ATAD2: variants seen among roughly 807,000 people sequenced by gnomAD.
The protein encoded by ATAD2 is ATPase family AAA domain containing 2, also known as ATPase family AAA domain-containing protein 2.
In ATAD2, 62 loss-of-function variants were observed where a neutral mutation model predicts 168.9. The observed-to-expected ratio is 0.37, with a 90% CI of 0.30 to 0.45. The LOEUF (loss-of-function observed/expected upper bound fraction) is 0.45, where lower values mean the gene tolerates loss of function less well. Ranked by LOEUF, ATAD2 falls within the 20% of genes least tolerant of loss-of-function variation. ATAD2 has a pLI of 1.00. For synonymous variants in ATAD2, 613 were observed against 571.6 expected, an observed-to-expected ratio of 1.07 and a Z score of -1.03; for missense variants, 1,419 against 1,667.8, an observed-to-expected ratio of 0.85 and a Z score of 2.60.
chr8:123,393,075 T>G (rs1812661709), intron 1 of ATAD2, among the ~76,000 whole-genome samples: 1 of 151,310 alleles, frequency 6.6e-6, no homozygotes, highest in Non-Finnish European at 1.5e-5. Flanking sequence ...TCCCAGCTAC[T>G]CCGGGAGGCT....
In ATAD2 at chr8:123,402,209, G is replaced by T; in HGVS notation, c.-2281-1034C>A. 1.6e-6 allele frequency: 1 copy of T among 620,928 alleles called. No homozygotes were observed. The highest frequency in any genetic ancestry group is 1.8e-5 in the South Asian group (1 of 56,076). 38.5% of individuals were successfully genotyped at this position (620,928 alleles called of 1,614,324 possible). On this transcript the variant is annotated intron_variant, in intron 1 of 28. Coordinates refer to the ATAD2 transcript ENST00000521903. This position sits in a 1 kb window ranked among gnomAD's most constrained non-coding sequence, Gnocchi z 4.8. Reference sequence around the variant, plus strand: ...GAGTGGTCCACAGATTTGCACTACGGGTTCCCCAGCTCCTTTCCAGGGAGA... The same window carrying T: ...GAGTGGTCCACAGATTTGCACTACGTGTTCCCCAGCTCCTTTCCAGGGAGA...
rs374075833 is a variant in ATAD2 at position 123,367,183 on chromosome 8, G to A, written c.1049+1875C>T. ...CAATCCCACCACTTGGGAGGCCAAG[G>A]TGGGTGGATCACCTGAGGTCAGGAA... On this transcript the variant is annotated intron_variant, in intron 8 of 27. Transcript: ENST00000287394. Among the ~76,000 whole-genome samples the A allele has an allele frequency of 2.6e-4, 39 of 152,252 alleles. No homozygotes were observed. The East Asian group carries it at 5.6e-3, about 22-fold the overall frequency.
At chr8:123,386,477 A>G (rs932755523) in intron 1 of ATAD2, among the ~76,000 whole-genome samples, 3 of 152,190 alleles carry the variant, frequency 2.0e-5, no homozygotes, top group Non-Finnish European at 4.4e-5. Context: ...TCAGAGACAG[A>G]AAGTAGAACA....
chr8:123,354,744 A>T (rs1828576454), intron 13 of ATAD2, among the ~76,000 whole-genome samples: 1 of 149,352 alleles, frequency 6.7e-6, no homozygotes, highest in Non-Finnish European at 1.5e-5. Context: ...AGGCTGAGGC[A>T]GAAGAATCGC....
chr8:123,368,498 AC>A (rs912118508), intron 8 of ATAD2, among the ~76,000 whole-genome samples: 8 of 152,200 alleles, frequency 5.3e-5, no homozygotes, highest in Non-Finnish European at 7.4e-5. Flanking sequence ...CCAATGAACA[AC>A]TGTTGGGATG....
chr8:123,349,224 G>T, intron 14 of ATAD2, 61 bp downstream of exon 14: 1 of 1,530,420 alleles, frequency 6.5e-7, no homozygotes, highest in Non-Finnish European at 8.9e-7. Flanking sequence ...ACTATACCAA[G>T]ACTTATTATT....
At chr8:123,389,986 T>A (rs11782929) in intron 1 of ATAD2, among the ~76,000 whole-genome samples, 3,709 of 67,254 alleles carry the variant, frequency 0.055, 72 homozygotes, top group Middle Eastern at 0.08. Flanking sequence ...ATATATATAT[T>A]TTTTTTTTTT....
intron 1 of ATAD2, among the ~76,000 whole-genome samples, chr8:123,386,923 A>C (rs1829661768): frequency 6.6e-6 from 1 of 152,026 alleles, no homozygotes. Context: ...CAAAAAAAAA[A>C]AAAAATTATG....
intron 1 of ATAD2, among the ~76,000 whole-genome samples, chr8:123,395,639 T>C (rs1163657442): frequency 6.6e-6 from 1 of 152,230 alleles, no homozygotes; most frequent in Non-Finnish European, 1.5e-5. Flanking sequence ...ACATGAAATG[T>C]TGGTCTTCAT....
chr8:123,327,372 T>C (rs1827642790), intron 25 of ATAD2, among the ~76,000 whole-genome samples: 1 of 152,150 alleles, frequency 6.6e-6, no homozygotes, highest in Non-Finnish European at 1.5e-5. Context: ...CAAAACATAT[T>C]ATACAGCCAG....
chr8:123,326,146 G>A (rs1827609661), intron 25 of ATAD2, 120 bp from the exon 26 acceptor site: 1 of 1,064,630 alleles, frequency 9.4e-7, no homozygotes, highest in African/African-American at 1.6e-5. Context: ...CAGCAATTCT[G>A]GCTTATTAAC....
chr8:123,325,840 T>G, intron 26 of ATAD2, 53 bp downstream of exon 26: 4 of 1,591,350 alleles, frequency 2.5e-6, no homozygotes, highest in Non-Finnish European at 3.4e-6. Flanking sequence ...CAAGCCAGTG[T>G]TTGGGGATTA....
At chr8:123,355,151 T>C (rs1354702723) in intron 13 of ATAD2, among the ~76,000 whole-genome samples, 2 of 152,040 alleles carry the variant, frequency 1.3e-5, no homozygotes, top group Non-Finnish European at 2.9e-5. Context: ...ACTTAACATA[T>C]ATTTTAATTT....
upstream of ATAD2, chr8:123,401,347 C>T (rs1437584305): frequency 1.2e-5 from 17 of 1,404,240 alleles, no homozygotes; most frequent in South Asian, 5.9e-5. Flanking sequence ...TGACAAATAC[C>T]GCCTGGACCT....
chr8:123,326,745 G>A (rs919371390), intron 25 of ATAD2, among the ~76,000 whole-genome samples: 24 of 152,286 alleles, frequency 1.6e-4, no homozygotes, highest in African/African-American at 5.8e-4. Context: ...CAGCAGGGTT[G>A]AGTAGTTGTC....
intron 25 of ATAD2, 148 bp from the exon 26 acceptor site, chr8:123,326,174 T>C (rs1827610405): frequency 3.7e-6 from 3 of 812,226 alleles, no homozygotes; most frequent in Non-Finnish European, 5.6e-6. Flanking sequence ...GTTATAAGAT[T>C]AAGATACTGC....
At chr8:123,414,379 C>T (rs1047375787) in intron 1 of ATAD2, among the ~76,000 whole-genome samples, 1 of 152,164 alleles carries the variant, frequency 6.6e-6, no homozygotes, top group African/African-American at 2.4e-5. Context: ...AGCCTAGCTT[C>T]AAAGTCCTAT....
At chr8:123,406,064 G>A (rs1239841016) in intron 1 of ATAD2, among the ~76,000 whole-genome samples, 2 of 152,080 alleles carry the variant, frequency 1.3e-5, no homozygotes, top group Non-Finnish European at 2.9e-5. Flanking sequence ...TCAGAATATT[G>A]ATATTCTTGG....
intron 1 of ATAD2, among the ~76,000 whole-genome samples, chr8:123,389,980 ATATATTTT>A (rs1164311532): frequency 1.4e-4 from 15 of 110,780 alleles, no homozygotes; most frequent in African/African-American, 6.0e-4. Context: ...ATATATATAT[ATATATTTT>A]TTTTTTTTTA....
Sources: allele counts gnomAD v4.1 joint callset (sites outside exome capture counted in the v4.1 genomes callset), GRCh38; gene constraint gnomAD v4.1.1; non-coding constraint Gnocchi (gnomAD v3.1); transcripts MANE v1.5; gene names NCBI Gene and HGNC (gene_info 2026-07-23, HGNC 2026-07-21).